Variants in MPDZ observed in about 807,000 individuals in gnomAD.
The protein encoded by MPDZ is multiple PDZ domain protein.
A neutral mutation model predicts 239.1 loss-of-function variants in MPDZ; 234 were observed. The ratio of observed to expected loss-of-function variants is 0.98; its 90% CI spans 0.88 to 1.09. The LOEUF is 1.09. MPDZ is among the 50% of genes least tolerant of loss of function. The probability of loss-of-function intolerance (pLI) is 0.00; values close to 1 mark genes in which losing one functional copy is unlikely to be tolerated. For missense variants in MPDZ, 3,175 were observed against 2,510.0 expected, an observed-to-expected ratio of 1.26 and a Z score of -5.66; for synonymous variants, 1,048 against 881.3, an observed-to-expected ratio of 1.19 and a Z score of -3.35.
rs574859582 is a variant in MPDZ, at chr9:13,240,377, G to C, written c.183+7258C>G. 5.3e-5 allele frequency among the ~76,000 whole-genome samples: 8 copies of C among 151,596 alleles called. No individual in the cohort carries two copies. In the South Asian group the frequency reaches 1.5e-3, roughly 28 times the overall value. On this transcript the variant is annotated intron_variant, in intron 3 of 46. Transcript: ENST00000319217. ...GTTAATATAACCAGAATGAAGTACT[G>C]GTTTACGTTAAAAAGAATCTATGAT...
chr9:13,208,341 G>A (rs186437652), intron 10 of MPDZ, among the ~76,000 whole-genome samples: 232 of 152,112 alleles, frequency 1.5e-3, no homozygotes, highest in African/African-American at 5.3e-3. Flanking sequence ...CTACTCAGGA[G>A]GCTGAGTTGA....
chr9:13,147,059 T>G (rs1587236770), intron 26 of MPDZ, among the ~76,000 whole-genome samples: 5 of 152,042 alleles, frequency 3.3e-5, no homozygotes, highest in African/African-American at 1.2e-4. Context: ...AAATCTGCCC[T>G]GAGCAAATTT....
intron 1 of MPDZ, among the ~76,000 whole-genome samples, chr9:13,258,503 C>T (rs1284072989): frequency 6.6e-6 from 1 of 152,176 alleles, no homozygotes; most frequent in East Asian, 1.9e-4. Context: ...AGTAAGCAGA[C>T]GAAGGCACAG....
chr9:13,207,794 T>C (rs1299246724), intron 10 of MPDZ, among the ~76,000 whole-genome samples: 1 of 152,206 alleles, frequency 6.6e-6, no homozygotes, highest in African/African-American at 2.4e-5. Flanking sequence ...GTCCATACTA[T>C]AGATATTAAA....
intron 26 of MPDZ, among the ~76,000 whole-genome samples, chr9:13,144,189 G>A (rs1313180089): frequency 6.6e-6 from 1 of 151,906 alleles, no homozygotes; most frequent in East Asian, 1.9e-4. Context: ...CAGTTTTTGT[G>A]GAGGTAGAAA....
intron 15 of MPDZ, among the ~76,000 whole-genome samples, chr9:13,191,373 T>C (rs1203961185): frequency 6.6e-6 from 1 of 152,180 alleles, no homozygotes; most frequent in African/African-American, 2.4e-5. Flanking sequence ...TAAATGAGAT[T>C]TGACTGGACC....
intron 12 of MPDZ, among the ~76,000 whole-genome samples, chr9:13,199,743 T>A (rs1004070195): frequency 6.6e-6 from 1 of 152,250 alleles, no homozygotes; most frequent in Admixed American, 6.6e-5. Context: ...TTCTTCAGCA[T>A]CTATTTGATG....
chr9:13,172,391 T>TTC (rs2134037015), intron 21 of MPDZ, among the ~76,000 whole-genome samples: 1 of 151,098 alleles, frequency 6.6e-6, no homozygotes, highest in African/African-American at 2.4e-5. Flanking sequence ...TTTTTTGTTT[T>TTC]TTTTTTTTGA....
chr9:13,132,968 A>G lies in MPDZ; in HGVS notation c.4464+856T>C, dbSNP rs1946229700. Among the ~76,000 whole-genome samples, 4 of 152,206 alleles carry G rather than the reference A, an allele frequency of 2.6e-5. 1 individual carries two copies. In the South Asian group the frequency reaches 8.3e-4, roughly 31 times the overall value. ...CCTAGAATATACTAAGCCTTAGATG[A>G]TACATTAAAATCAATACCATGAAAG... On this transcript the variant is annotated intron_variant, in intron 32 of 46. Transcript: ENST00000319217.
chr9:13,249,810 T>C (rs1224490896), intron 2 of MPDZ, among the ~76,000 whole-genome samples: 1 of 152,218 alleles, frequency 6.6e-6, no homozygotes, highest in South Asian at 2.1e-4. Flanking sequence ...GAAATCTAGA[T>C]ATTTCAACCT....
rs979272417 is a variant in MPDZ, at chr9:13,126,569, C to G, written c.4579G>C (p.Asp1527His). 3 of 1,593,326 alleles carry G rather than the reference C, an allele frequency of 1.9e-6. No homozygotes were observed. The highest frequency in any genetic ancestry group is 2.6e-6 in the Non-Finnish European group (3 of 1,168,966). ...TCATCATCTACAGCCAGTATCTGAT[C>G]TCCGACTTTGAGTCGTCCATCCTAA... ...AATDGRLKVG[D>H]QILAVDDEIV... The change falls in exon 34 of 47, where the codon GAT becomes CAT. Residue 1527 changes from aspartate to histidine, a missense_variant. Transcript: ENST00000319217.
rs2136274523 is a variant in MPDZ, at chr9:13,221,379, G to T, written c.869C>A (p.Ala290Asp). 6.2e-7 allele frequency: 1 copy of T among 1,607,858 alleles called. No homozygotes were observed. The highest frequency in any genetic ancestry group is 2.2e-5 in the East Asian group (1 of 44,646). ...TCTATTGATGTAGCCTACCTGATCA[G>T]CTACTCCTCCAGGCAGAATGGTTTT... Reference protein sequence around the residue: ...IVKTILPGGVADQHGRLCSGD... With the variant: ...IVKTILPGGVDDQHGRLCSGD... Residue 290 changes from alanine to aspartate, a missense_variant, in exon 7 of 47, where the codon GCT (alanine) becomes GAT (aspartate). Coordinates refer to ENST00000319217, the MANE Select transcript of MPDZ (RefSeq NM_001378778.1).
intron 10 of MPDZ, 59 bp downstream of exon 10, chr9:13,216,715 G>T: frequency 7.8e-7 from 1 of 1,274,772 alleles, no homozygotes; most frequent in Non-Finnish European, 1.1e-6. Flanking sequence ...AAGTAAACTA[G>T]GAGAATACAA....
At chr9:13,269,846 T>C (rs1972567241) in intron 1 of MPDZ, among the ~76,000 whole-genome samples, 1 of 152,164 alleles carries the variant, frequency 6.6e-6, no homozygotes, top group Non-Finnish European at 1.5e-5. Context: ...TTCCAGGTAG[T>C]TCAGATAAGG....
At chr9:13,217,150 T>C (rs1490371503) in intron 9 of MPDZ, 30 bp downstream of exon 9, 1 of 1,356,876 alleles carries the variant, frequency 7.4e-7, no homozygotes, top group South Asian at 1.3e-5. Context: ...AATTGTCAAG[T>C]TTAAAAGAAT....
At chr9:13,123,690 T>C (rs540523819) in intron 35 of MPDZ, among the ~76,000 whole-genome samples, 418 of 152,334 alleles carry the variant, frequency 2.7e-3, no homozygotes, top group South Asian at 8.5e-3. Context: ...AAAAGATTTA[T>C]AGAACTCATA....
At chr9:13,195,556 T>C (rs1195317664) in intron 13 of MPDZ, among the ~76,000 whole-genome samples, 3 of 152,144 alleles carry the variant, frequency 2.0e-5, no homozygotes, top group Non-Finnish European at 2.9e-5. Flanking sequence ...TTTATAACAA[T>C]TTTATTAGAC....
chr9:13,218,278 C>A (rs528602223), intron 8 of MPDZ, among the ~76,000 whole-genome samples: 3 of 151,926 alleles, frequency 2.0e-5, no homozygotes, highest in African/African-American at 7.2e-5. Context: ...AAATCTGCTT[C>A]AATTGAAACA....
chr9:13,201,906 C>CT (rs1956431465), intron 12 of MPDZ, among the ~76,000 whole-genome samples: 1 of 152,132 alleles, frequency 6.6e-6, no homozygotes, highest in African/African-American at 2.4e-5. Context: ...CCCTGAACCT[C>CT]TTTAACAGGA....
Sources: gnomAD v4.1 joint callset for allele counts (sites outside exome capture counted in the v4.1 genomes callset) on GRCh38, gnomAD v4.1.1 for gene constraint, MANE v1.5 for transcripts, NCBI Gene and HGNC (gene_info 2026-07-23, HGNC 2026-07-21) for gene names.